NEGR1: variants seen among roughly 807,000 people sequenced by gnomAD.
NEGR1 encodes IgLON family member 4.
Under a neutral mutation model 40.9 loss-of-function variants are expected in NEGR1, and 10 were observed. That is an observed-to-expected ratio of 0.24 (90% CI 0.15 to 0.42). NEGR1 has a LOEUF of 0.42. Among genes scored for constraint, NEGR1 ranks in the 10% least tolerant of loss-of-function variants. The pLI is 1.00. For synonymous variants in NEGR1, 185 were observed against 166.8 expected (o/e 1.11, Z -0.84); for missense variants, 352 against 438.9 (o/e 0.80, Z 1.77).
rs573707996 is a variant in NEGR1 at position 71,732,828 on chromosome 1, G to A, written c.536-34689C>T. Among the ~76,000 whole-genome samples, 154 of 152,206 alleles carry A rather than the reference G, an allele frequency of 1.0e-3. 1 individual carries two copies. Among genetic ancestry groups the A allele is most frequent in the African/African-American group, 3.5e-3 (144 of 41,548 alleles). On this transcript the variant is annotated intron_variant, in intron 3 of 6. Transcript: ENST00000357731. The stretch of plus-strand genomic sequence containing the variant: ...AAAATGGGTTTTTGAGAATGGGAAG[G>A]ATACTACAAAATATCTACCACCAAT...
intron 4 of NEGR1, among the ~76,000 whole-genome samples, chr1:71,643,021 G>T (rs887155956): frequency 2.6e-5 from 4 of 151,928 alleles, no homozygotes; most frequent in Non-Finnish European, 5.9e-5. Context: ...ACCAGACAAA[G>T]GAGTAAAACC....
At chr1:71,641,798 C>T (rs1651362654) in intron 4 of NEGR1, among the ~76,000 whole-genome samples, 1 of 151,878 alleles carries the variant, frequency 6.6e-6, no homozygotes, top group African/African-American at 2.4e-5. Context: ...AGCACACGGC[C>T]CCTGTCTGAG....
chr1:71,688,779 C>T (rs779964676), intron 4 of NEGR1, among the ~76,000 whole-genome samples: 6 of 152,098 alleles, frequency 3.9e-5, no homozygotes, highest in South Asian at 2.1e-4. Context: ...AAACAAAATG[C>T]TACTTTCTGA....
intron 6 of NEGR1, among the ~76,000 whole-genome samples, chr1:71,566,819 C>G (rs1648635207): frequency 6.6e-6 from 1 of 152,118 alleles, no homozygotes; most frequent in Non-Finnish European, 1.5e-5. Flanking sequence ...GTTCTGAAGG[C>G]TGGGAAATCC....
At chr1:71,628,202 A>G (rs1376210588) in intron 4 of NEGR1, among the ~76,000 whole-genome samples, 1 of 152,066 alleles carries the variant, frequency 6.6e-6, no homozygotes, top group Non-Finnish European at 1.5e-5. Context: ...ATAGATTAAA[A>G]TGGTTCCTGC....
intron 3 of NEGR1, among the ~76,000 whole-genome samples, chr1:71,742,142 C>T (rs532640475): frequency 6.6e-6 from 1 of 152,122 alleles, no homozygotes; most frequent in Non-Finnish European, 1.5e-5. Context: ...GATGATCTCT[C>T]TCTCCACCAG....
chr1:72,086,865 A>T (rs900943049), intron 1 of NEGR1, among the ~76,000 whole-genome samples: 7 of 152,280 alleles, frequency 4.6e-5, no homozygotes, highest in Admixed American at 3.9e-4. Context: ...TTTTATTTCA[A>T]TGCATATGTC....
chr1:71,632,550 A>T (rs1179419908), intron 4 of NEGR1, among the ~76,000 whole-genome samples: 1 of 150,952 alleles, frequency 6.6e-6, no homozygotes, highest in African/African-American at 2.4e-5. Flanking sequence ...TATTTTATAT[A>T]CATTATACTA....
At chr1:71,442,848 T>C (rs905402978) in intron 6 of NEGR1, among the ~76,000 whole-genome samples, 1 of 152,136 alleles carries the variant, frequency 6.6e-6, no homozygotes, top group African/African-American at 2.4e-5. Flanking sequence ...CAGAAACAAA[T>C]TGAAGGTTAT....
At chr1:71,505,799 G>T (rs529415136) in intron 6 of NEGR1, among the ~76,000 whole-genome samples, 1 of 152,264 alleles carries the variant, frequency 6.6e-6, no homozygotes, top group Non-Finnish European at 1.5e-5. Flanking sequence ...TCAGACCTTA[G>T]AAAAAGTCCT....
At chr1:71,605,866 T>G (rs1348478434) in intron 5 of NEGR1, among the ~76,000 whole-genome samples, 4 of 152,206 alleles carry the variant, frequency 2.6e-5, no homozygotes, top group Non-Finnish European at 5.9e-5. Flanking sequence ...TTTTAATAAC[T>G]AGTATATAGC....
At chr1:71,909,034 C>T (rs951843066) in intron 2 of NEGR1, among the ~76,000 whole-genome samples, 1 of 152,048 alleles carries the variant, frequency 6.6e-6, no homozygotes, top group Non-Finnish European at 1.5e-5. Flanking sequence ...ACATGCAACT[C>T]CCAATAGTAT....
chr1:72,117,017 GTTTAAGTAGT>G (rs1649606786), intron 1 of NEGR1, among the ~76,000 whole-genome samples: 1 of 151,702 alleles, frequency 6.6e-6, no homozygotes, highest in African/African-American at 2.4e-5. Context: ...TCAAATGAAA[GTTTAAGTAGT>G]TTTCTGTGAG....
chr1:71,696,670 CAG>C (rs1218712836), intron 4 of NEGR1, among the ~76,000 whole-genome samples: 15 of 151,786 alleles, frequency 9.9e-5, no homozygotes, highest in Non-Finnish European at 1.6e-4. Context: ...CCTCTTATTT[CAG>C]AGAGTTCCAG....
At chr1:72,103,024 G>A (rs1379842886) in intron 1 of NEGR1, among the ~76,000 whole-genome samples, 1 of 152,004 alleles carries the variant, frequency 6.6e-6, no homozygotes, top group Non-Finnish European at 1.5e-5. Flanking sequence ...CCATGTTTTT[G>A]TTCTATTGTG....
chr1:71,839,664 G>A (rs1659168407), intron 2 of NEGR1, among the ~76,000 whole-genome samples: 1 of 152,102 alleles, frequency 6.6e-6, no homozygotes, highest in Admixed American at 6.6e-5. Context: ...GATACAACAG[G>A]CTGCTTCTTC....
rs1444759867 is a variant in NEGR1, at chr1:71,898,972, TATATATAGC to T, written c.409+36098_409+36106del. On this transcript the variant is annotated intron_variant, in intron 2 of 6. Coordinates refer to ENST00000357731, the MANE Select transcript of NEGR1 (RefSeq NM_173808.3). ...CAAATATATATATATAGCATATATA[TATATATAGC>T]ATATATATATATATATATATATATA... is the stretch of plus-strand genomic sequence containing the variant. Among the ~76,000 whole-genome samples the T allele has an allele frequency of 7.8e-3, 382 of 48,734 alleles. 5 individuals carry two copies. Among genetic ancestry groups the T allele is most frequent in the South Asian group, 0.021 (28 of 1,356 alleles). 32.0% of individuals were successfully genotyped at this position (48,734 alleles called of 152,430 possible). A position where few individuals can be genotyped will look rare whatever the true frequency, so the allele number is the denominator to read the frequency against.
intron 2 of NEGR1, among the ~76,000 whole-genome samples, chr1:71,913,967 G>C (rs548934581): frequency 6.6e-6 from 1 of 152,108 alleles, no homozygotes; most frequent in East Asian, 1.9e-4. Flanking sequence ...TCTGTGAAGA[G>C]TTGATCACAA....
chr1:71,969,164 G>A (rs562062382), intron 1 of NEGR1, among the ~76,000 whole-genome samples: 46 of 152,038 alleles, frequency 3.0e-4, no homozygotes, highest in African/African-American at 9.9e-4. Flanking sequence ...ACAGGCACCC[G>A]CCACCACGCC....
Sources: allele counts gnomAD v4.1 joint callset (sites outside exome capture counted in the v4.1 genomes callset), GRCh38; gene constraint gnomAD v4.1.1; transcripts MANE v1.5; gene names NCBI Gene and HGNC (gene_info 2026-07-23, HGNC 2026-07-21).